The following CERKL variants were observed in gnomAD, a reference collection of about 807,000 sequenced individuals.
The protein encoded by CERKL is ceramide kinase-like protein.
A neutral mutation model predicts 63.4 loss-of-function variants in CERKL; 61 were observed. That is an observed-to-expected ratio of 0.96 (90% CI 0.78 to 1.19). The LOEUF (loss-of-function observed/expected upper bound fraction) is 1.19. Among genes scored for constraint, CERKL ranks in the 50% most tolerant of loss-of-function variants. The pLI is 0.00. For missense variants in CERKL, 675 were observed against 655.5 expected (o/e 1.03, Z -0.33); for synonymous variants, 250 against 230.5 (o/e 1.08, Z -0.77).
Position 181,641,273 on chromosome 2 carries a change from ATG to A in CERKL, c.238+15494_238+15495del, listed in dbSNP as rs1328922827. Reference sequence around the variant, plus strand: ...TTGTACACACAAAATATGTTAATATATGTGTGTATATATGTATATATGTGTAT... The same window carrying A: ...TTGTACACACAAAATATGTTAATATATGTGTATATATGTATATATGTGTAT... On this transcript the variant is annotated intron_variant, in intron 1 of 12. Transcript: ENST00000410087. 1.7e-4 allele frequency among the ~76,000 whole-genome samples: 26 copies of A among 149,640 alleles called. No homozygotes were observed. In the South Asian group the frequency reaches 5.0e-3, roughly 29 times the overall value.
chr2:181,612,357 C>A (rs1686003627), intron 1 of CERKL, among the ~76,000 whole-genome samples: 1 of 152,048 alleles, frequency 6.6e-6, no homozygotes, highest in Non-Finnish European at 1.5e-5. Context: ...ACTCACATAA[C>A]CACTATCCCA....
rs759935871 is a variant in CERKL, at chr2:181,549,684, G to T, written c.845C>A (p.Ser282Tyr). The T allele has an allele frequency of 6.2e-6, 10 of 1,612,204 alleles. No homozygotes were observed. The African/African-American group carries it at 9.4e-5, about 15-fold the overall frequency. ...PAGSTNVLAH[S>Y]LHGVPHVITA... is the part of the protein sequence containing the mutation. Reference sequence around the variant, plus strand: ...TATCACATGAGGAACTCCATGAAGAGAATGTGCCAATACATTGGTAGATCC... The same window carrying T: ...TATCACATGAGGAACTCCATGAAGATAATGTGCCAATACATTGGTAGATCC... Residue 282 changes from serine to tyrosine, a missense_variant, in exon 6 of 13, where the codon TCT becomes TAT. Ser to Tyr is a moderately radical substitution (Grantham distance 144). Coordinates refer to ENST00000410087, the MANE Select transcript of CERKL (RefSeq NM_201548.5).
At chr2:181,592,422 A>C (rs1685026074) in intron 2 of CERKL, among the ~76,000 whole-genome samples, 1 of 152,170 alleles carries the variant, frequency 6.6e-6, no homozygotes, top group South Asian at 2.1e-4. Flanking sequence ...GCCCTCAAAC[A>C]CAGAGAACAC....
At chr2:181,650,100 AGGGAGGGAGGG>A (rs1559124606) in intron 1 of CERKL, 2 of 62,744 alleles carry the variant, frequency 3.2e-5, no homozygotes, top group East Asian at 4.6e-4. Flanking sequence ...GGAGGGAGGG[AGGGAGGGAGGG>A]AGGAAGGAAG....
At chr2:181,571,807 TTAAA>T (rs1363125424) in intron 3 of CERKL, among the ~76,000 whole-genome samples, 1 of 152,120 alleles carries the variant, frequency 6.6e-6, no homozygotes, top group East Asian at 1.9e-4. Context: ...GTCTTGATGG[TTAAA>T]TAAATGATTA....
intron 1 of CERKL, among the ~76,000 whole-genome samples, chr2:181,622,600 T>A (rs1164732288): frequency 6.6e-6 from 1 of 152,076 alleles, no homozygotes; most frequent in Non-Finnish European, 1.5e-5. Flanking sequence ...TAAAATCACA[T>A]CCATTCTATC....
chr2:181,631,105 G>C (rs1462057660), intron 1 of CERKL, among the ~76,000 whole-genome samples: 2 of 152,144 alleles, frequency 1.3e-5, no homozygotes, highest in African/African-American at 4.8e-5. Flanking sequence ...ACAAATAAAG[G>C]TAACTGAGAA....
chr2:181,550,764 C>T lies in CERKL; in HGVS notation c.821-1056G>A, dbSNP rs1033570856. Among the ~76,000 whole-genome samples, 1 of 151,982 alleles carries T rather than the reference C, an allele frequency of 6.6e-6. No individual in the cohort carries two copies. Among genetic ancestry groups the T allele is most frequent in the African/African-American group, 2.4e-5 (1 of 41,370 alleles). Reference sequence around the variant, plus strand: ...GCTGAGGCAGCTTAGCCATTATCAACCAAGAGGTCATTAATATCATAATTT... The same window carrying T: ...GCTGAGGCAGCTTAGCCATTATCAATCAAGAGGTCATTAATATCATAATTT... On this transcript the variant is annotated intron_variant, in intron 5 of 12. Transcript: ENST00000410087. The surrounding 1 kb of genome is among the most constrained non-coding windows in gnomAD (Gnocchi z 4.5).
rs1559063202 is a variant in CERKL, at chr2:181,537,240, G to GAAATTTACATTTGGTT, written c.*928_*943dup. The GAAATTTACATTTGGTT allele has an allele frequency of 2.2e-6, 1 of 453,796 alleles. No individual in the cohort carries two copies. The highest frequency in any genetic ancestry group is 1.6e-5 in the South Asian group (1 of 64,462). 28.1% of individuals were successfully genotyped at this position (453,796 alleles called of 1,614,324 possible). ...TGTCTTCTCCAGGATGGTCTCTAAG[G>GAAATTTACATTTGGTT]AAATTTACATTTGGTTCTTTCCTAC... On this transcript the variant is annotated 3_prime_UTR_variant, in exon 13 of 13. Coordinates refer to ENST00000410087, the MANE Select transcript of CERKL (RefSeq NM_201548.5).
chr2:181,654,947 A>G (rs981284060), intron 1 of CERKL, among the ~76,000 whole-genome samples: 1 of 152,130 alleles, frequency 6.6e-6, no homozygotes, highest in Non-Finnish European at 1.5e-5. Flanking sequence ...ACGCCTGGCT[A>G]TATTTTACCT....
At chr2:181,546,057 G>A (rs1380262948) in intron 10 of CERKL, among the ~76,000 whole-genome samples, 1 of 152,124 alleles carries the variant, frequency 6.6e-6, no homozygotes, top group Non-Finnish European at 1.5e-5. Context: ...ATCATCAGAA[G>A]CTACATCTCT....
intron 11 of CERKL, among the ~76,000 whole-genome samples, chr2:181,541,294 G>A (rs921550303): frequency 6.6e-6 from 1 of 152,208 alleles, no homozygotes; most frequent in African/African-American, 2.4e-5. Flanking sequence ...CAGCCAGAGA[G>A]AGAAGACTCA....
intron 11 of CERKL, among the ~76,000 whole-genome samples, chr2:181,542,206 G>A (rs980671288): frequency 6.6e-6 from 1 of 152,176 alleles, no homozygotes; most frequent in Non-Finnish European, 1.5e-5. Flanking sequence ...GGACTTTGAA[G>A]GGTAGTGTTC....
In CERKL at chr2:181,620,043, A is replaced by G. The variant is rs752497905; in HGVS notation, c.239-15964T>C. The stretch of plus-strand genomic sequence containing the variant: ...CTTCTTTGTGTATATTAAAATGTTA[A>G]TATTAGTGTAACTGAACCTCCATGG... On this transcript the variant is annotated intron_variant, in intron 1 of 12. Coordinates refer to ENST00000410087, the MANE Select transcript of CERKL (RefSeq NM_201548.5). Among the ~76,000 whole-genome samples the G allele has an allele frequency of 5.9e-5, 9 of 152,282 alleles. No homozygotes were observed. In the South Asian group the frequency reaches 1.0e-3, roughly 18 times the overall value.
intron 3 of CERKL, among the ~76,000 whole-genome samples, chr2:181,570,756 A>C (rs984162107): frequency 1.3e-5 from 2 of 152,176 alleles, no homozygotes; most frequent in African/African-American, 4.8e-5. Flanking sequence ...TTTAAAATAA[A>C]TTTATGAAAA....
intron 1 of CERKL, among the ~76,000 whole-genome samples, chr2:181,616,413 T>C (rs555772731): frequency 4.2e-4 from 64 of 151,970 alleles, no homozygotes; most frequent in African/African-American, 1.5e-3. Flanking sequence ...GGTGTTTCAC[T>C]GTGTTAGCCA....
chr2:181,561,110 G>A (rs193186397), intron 4 of CERKL, among the ~76,000 whole-genome samples: 17 of 152,168 alleles, frequency 1.1e-4, no homozygotes, highest in Non-Finnish European at 2.5e-4. Flanking sequence ...GGCGCAAATG[G>A]CCAGCACTGG....
intron 1 of CERKL, among the ~76,000 whole-genome samples, chr2:181,614,907 AATC>A (rs1239724658): frequency 6.6e-6 from 1 of 152,224 alleles, no homozygotes; most frequent in Non-Finnish European, 1.5e-5. Flanking sequence ...AAAATATAGA[AATC>A]ATCTATTGAC....
chr2:181,543,877 G>A (rs1396138810), intron 11 of CERKL, among the ~76,000 whole-genome samples: 2 of 151,584 alleles, frequency 1.3e-5, no homozygotes, highest in African/African-American at 2.4e-5. Flanking sequence ...CCACCTACTC[G>A]GGAGGCTGAG....
Sources: allele counts gnomAD v4.1 joint callset (sites outside exome capture counted in the v4.1 genomes callset), GRCh38; gene constraint gnomAD v4.1.1; non-coding constraint Gnocchi (gnomAD v3.1); transcripts MANE v1.5; gene names NCBI Gene and HGNC (gene_info 2026-07-23, HGNC 2026-07-21).